HS3ST4: variants seen among roughly 807,000 people sequenced by gnomAD.
HS3ST4 encodes heparan sulfate-glucosamine 3-sulfotransferase 4, also known as heparan sulfate glucosamine 3-O-sulfotransferase 4.
A neutral mutation model predicts 29.2 loss-of-function variants in HS3ST4; 17 were observed. That is an observed-to-expected ratio of 0.58 (90% confidence interval 0.40 to 0.87). HS3ST4 has a LOEUF of 0.87. Among genes scored for constraint, HS3ST4 ranks in the 40% least tolerant of loss-of-function variants. The pLI, the probability that HS3ST4 is intolerant of heterozygous loss-of-function variation, is 0.00. For missense variants in HS3ST4, 627 were observed against 634.5 expected (o/e 0.99, Z 0.13); for synonymous variants, 314 against 285.7 (o/e 1.10, Z -1.00).
chr16:26,106,036 C>T (rs139661904), intron 1 of HS3ST4, among the ~76,000 whole-genome samples: 99 of 152,256 alleles, frequency 6.5e-4, no homozygotes, highest in African/African-American at 2.3e-3. Context: ...AAATGAAGAA[C>T]AAAAGATACA....
At chr16:25,786,247 C>T (rs1364169675) in intron 1 of HS3ST4, among the ~76,000 whole-genome samples, 1 of 152,040 alleles carries the variant, frequency 6.6e-6, no homozygotes, top group Non-Finnish European at 1.5e-5. Context: ...ACTTTATAGG[C>T]AGTGAATGGT....
chr16:25,936,423 G>A (rs1054186703), intron 1 of HS3ST4, among the ~76,000 whole-genome samples: 1 of 152,210 alleles, frequency 6.6e-6, no homozygotes, highest in African/African-American at 2.4e-5. Context: ...TTGACATTTA[G>A]TAGGAACTCA....
intron 1 of HS3ST4, among the ~76,000 whole-genome samples, chr16:26,024,934 C>T (rs1369327609): frequency 6.6e-6 from 1 of 152,158 alleles, no homozygotes; most frequent in Admixed American, 6.5e-5. Flanking sequence ...GCATGGCCAG[C>T]AAAGCACTTG....
intron 1 of HS3ST4, among the ~76,000 whole-genome samples, chr16:25,950,748 C>A (rs1968675791): frequency 6.6e-6 from 1 of 152,076 alleles, no homozygotes; most frequent in African/African-American, 2.4e-5. Flanking sequence ...ACTTGCACAG[C>A]ATGTTGCATT....
intron 1 of HS3ST4, among the ~76,000 whole-genome samples, chr16:25,984,041 C>A (rs1280246155): frequency 6.6e-6 from 1 of 152,154 alleles, no homozygotes; most frequent in Non-Finnish European, 1.5e-5. Context: ...GCATATCCAT[C>A]ATCTCCAGCA....
At chr16:25,799,150 C>T (rs997088739) in intron 1 of HS3ST4, among the ~76,000 whole-genome samples, 1 of 152,120 alleles carries the variant, frequency 6.6e-6, no homozygotes, top group Non-Finnish European at 1.5e-5. Flanking sequence ...TGAGCCTTCA[C>T]GTGTTTATTT....
intron 1 of HS3ST4, among the ~76,000 whole-genome samples, chr16:26,030,727 A>G (rs534572018): frequency 1.3e-5 from 2 of 152,316 alleles, no homozygotes; most frequent in Admixed American, 6.5e-5. Context: ...TCTGCTGGAA[A>G]TGGTATCATT....
intron 1 of HS3ST4, among the ~76,000 whole-genome samples, chr16:25,981,360 G>C (rs1969003202): frequency 6.6e-6 from 1 of 151,938 alleles, no homozygotes; most frequent in Non-Finnish European, 1.5e-5. Context: ...AAGGTAGGTA[G>C]TTCAGGGATT....
intron 1 of HS3ST4, among the ~76,000 whole-genome samples, chr16:26,085,860 C>G (rs150906016): frequency 6.7e-6 from 1 of 150,350 alleles, no homozygotes; most frequent in Admixed American, 6.6e-5. Flanking sequence ...GGTGACAGAG[C>G]GAGACCCTGT....
chr16:25,959,362 G>A (rs1020135999), intron 1 of HS3ST4, among the ~76,000 whole-genome samples: 17 of 152,216 alleles, frequency 1.1e-4, no homozygotes, highest in African/African-American at 3.4e-4. Context: ...TCAGTATCCA[G>A]TGCTATGTGA....
chr16:26,123,070 G>T (rs1262919723), intron 1 of HS3ST4, among the ~76,000 whole-genome samples: 2 of 150,650 alleles, frequency 1.3e-5, no homozygotes, highest in Non-Finnish European at 3.0e-5. Flanking sequence ...AAAAAAAACC[G>T]GGGGCTTGAA....
intron 1 of HS3ST4, among the ~76,000 whole-genome samples, chr16:25,880,267 T>C (rs999288580): frequency 5.3e-5 from 8 of 152,190 alleles, no homozygotes; most frequent in African/African-American, 1.9e-4. Context: ...TCCCTGAGAT[T>C]CTAAGTTCCA....
chr16:25,827,829 A>G (rs1056168267), intron 1 of HS3ST4, among the ~76,000 whole-genome samples: 5 of 152,196 alleles, frequency 3.3e-5, no homozygotes, highest in African/African-American at 1.2e-4. Context: ...AATATTCACA[A>G]GATGCTTCTG....
intron 1 of HS3ST4, among the ~76,000 whole-genome samples, chr16:25,828,340 T>TCTCTCTCTCTC (rs1967257357): frequency 1.6e-5 from 1 of 64,004 alleles, no homozygotes; most frequent in African/African-American, 6.0e-5. Flanking sequence ...CTCTCTCTCT[T>TCTCTCTCTCTC]TCTCCCTTTC....
At chr16:25,743,676 C>G (rs1373389794) in intron 1 of HS3ST4, among the ~76,000 whole-genome samples, 1 of 152,036 alleles carries the variant, frequency 6.6e-6, no homozygotes, top group Non-Finnish European at 1.5e-5. Context: ...CATCTAATTT[C>G]TGTATTTCTA....
At chr16:25,710,148 G>C (rs1436663226) in intron 1 of HS3ST4, among the ~76,000 whole-genome samples, 1 of 150,748 alleles carries the variant, frequency 6.6e-6, no homozygotes, top group East Asian at 1.9e-4. Flanking sequence ...GACGTTTTAG[G>C]AAAATAAATC....
At chr16:25,875,274 G>A (rs1419393762) in intron 1 of HS3ST4, among the ~76,000 whole-genome samples, 3 of 152,100 alleles carry the variant, frequency 2.0e-5, no homozygotes, top group African/African-American at 7.2e-5. Context: ...GGTACTAGGA[G>A]CCCTGCTACT....
At chr16:25,830,753 A>G (rs1260682219) in intron 1 of HS3ST4, among the ~76,000 whole-genome samples, 4 of 151,124 alleles carry the variant, frequency 2.6e-5, no homozygotes, top group South Asian at 4.2e-4. Context: ...TCTATCCCCA[A>G]TTGGTCTACA....
intron 1 of HS3ST4, among the ~76,000 whole-genome samples, chr16:26,133,791 T>G (rs976565913): frequency 3.3e-5 from 5 of 152,232 alleles, no homozygotes; most frequent in African/African-American, 1.2e-4. Context: ...CTAGGGGATC[T>G]TTGTCTGTAT....
Sources: gnomAD v4.1 joint callset for allele counts (sites outside exome capture counted in the v4.1 genomes callset) on GRCh38, gnomAD v4.1.1 for gene constraint, MANE v1.5 for transcripts, NCBI Gene and HGNC (gene_info 2026-07-23, HGNC 2026-07-21) for gene names.